The following CTDP1 variants were observed in gnomAD, a reference collection of about 807,000 sequenced individuals.
CTDP1 encodes CTD phosphatase 1, also known as RNA polymerase II subunit A C-terminal domain phosphatase.
In CTDP1, 47 loss-of-function variants were observed where a neutral mutation model predicts 91.8. That is an observed-to-expected ratio of 0.51 (90% CI 0.41 to 0.65). The LOEUF (loss-of-function observed/expected upper bound fraction) is 0.65, where lower values mean the gene tolerates loss of function less well. Ranked by LOEUF, CTDP1 falls within the 30% of genes least tolerant of loss-of-function variation. The pLI, the probability that CTDP1 is intolerant of heterozygous loss-of-function variation, is 0.00. For missense variants in CTDP1, 1,272 were observed against 1,373.7 expected (o/e 0.93, Z 1.17); for synonymous variants, 656 against 598.5 (o/e 1.10, Z -1.40).
chr18:79,723,064 G>C (rs938076593), intron 10 of CTDP1, among the ~76,000 whole-genome samples: 1 of 152,206 alleles, frequency 6.6e-6, no homozygotes, highest in South Asian at 2.1e-4. Context: ...TGGACCCCTA[G>C]TGCCTGCAGG....
intron 5 of CTDP1, 127 bp downstream of exon 5, chr18:79,705,044 G>A (rs1277321777): frequency 1.9e-5 from 27 of 1,448,114 alleles, no homozygotes; most frequent in Non-Finnish European, 2.4e-5. Context: ...CTTAGGGTTG[G>A]CCGTTGTGCA....
intron 1 of CTDP1, among the ~76,000 whole-genome samples, chr18:79,684,096 G>A (rs576780074): frequency 1.3e-5 from 2 of 152,340 alleles, no homozygotes; most frequent in Middle Eastern, 3.4e-3. Flanking sequence ...CTCAAGCGTC[G>A]CTTGTGTGCC....
At chr18:79,726,043 GT>G (rs2086437990) in intron 10 of CTDP1, among the ~76,000 whole-genome samples, 2 of 152,166 alleles carry the variant, frequency 1.3e-5, no homozygotes, top group East Asian at 3.9e-4. Flanking sequence ...GAGTTGGAAG[GT>G]TTATGTCTTT....
At chr18:79,680,623 T>A (rs1433697232) in intron 1 of CTDP1, among the ~76,000 whole-genome samples, 1 of 152,264 alleles carries the variant, frequency 6.6e-6, no homozygotes, top group Non-Finnish European at 1.5e-5. Flanking sequence ...TCAGGCAGGC[T>A]CCAGACCTGT....
chr18:79,746,514 T>C (rs1485770763), intron 12 of CTDP1, among the ~76,000 whole-genome samples: 1 of 152,258 alleles, frequency 6.6e-6, no homozygotes, highest in African/African-American at 2.4e-5. Context: ...AGTTTGCTTT[T>C]TCGTGTTTTC....
intron 6 of CTDP1, among the ~76,000 whole-genome samples, chr18:79,712,587 T>C (rs191979349): frequency 2.6e-5 from 4 of 152,330 alleles, no homozygotes; most frequent in African/African-American, 7.2e-5. Flanking sequence ...CCTAGCCTGG[T>C]CTGTTTACAG....
chr18:79,714,899 G>A lies in CTDP1; in HGVS notation c.1439G>A (p.Gly480Glu), dbSNP rs1224739930. The stretch of plus-strand genomic sequence containing the variant: ...TCCGCCTCTGATGGCGAAAGCGAGG[G>A]GAAAAGAGGCCGGCAGAAGCCGAAG... ...SSSASDGESE[G>E]KRGRQKPKAA... is the part of the protein sequence containing the mutation. Residue 480 changes from glycine (G) to glutamate (E), a missense_variant, in exon 8 of 13, where the codon GGG becomes GAG. Coordinates refer to ENST00000613122, the MANE Select transcript of CTDP1 (RefSeq NM_004715.5). 6.4e-7 allele frequency: 1 copy of A among 1,572,558 alleles called. No homozygotes were observed. The highest frequency in any genetic ancestry group is 1.9e-5 in the Admixed American group (1 of 52,572).
At chr18:79,712,883 A>G (rs2086111769) in intron 6 of CTDP1, 89 bp from the exon 7 acceptor site, 1 of 1,405,526 alleles carries the variant, frequency 7.1e-7, no homozygotes, top group Admixed American at 1.7e-5. Flanking sequence ...TTACATGTGG[A>G]TTAGAATCTT....
chr18:79,745,262 T>TCCCTCCCGTGCGCGTTCTGTCCCC (rs2086858618), intron 12 of CTDP1, among the ~76,000 whole-genome samples: 3 of 101,186 alleles, frequency 3.0e-5, no homozygotes, highest in Admixed American at 2.0e-4. Flanking sequence ...GTTCTGTCCC[T>TCCCTCCCGTGCGCGTTCTGTCCCC]GCGTCCCTCC....
At chr18:79,690,636 C>T (rs1158311605) in intron 1 of CTDP1, among the ~76,000 whole-genome samples, 3 of 152,188 alleles carry the variant, frequency 2.0e-5, no homozygotes, top group East Asian at 1.9e-4. Context: ...TAAGAAAAGA[C>T]ATTGCTCTCT....
At chr18:79,690,915 A>T (rs12605631) in intron 1 of CTDP1, among the ~76,000 whole-genome samples, 1 of 152,160 alleles carries the variant, frequency 6.6e-6, no homozygotes, top group Non-Finnish European at 1.5e-5. Flanking sequence ...GTGATTTTCT[A>T]CGAAGGCCTG....
intron 11 of CTDP1, among the ~76,000 whole-genome samples, chr18:79,733,714 CTCT>C (rs1484499382): frequency 6.6e-6 from 1 of 152,182 alleles, no homozygotes; most frequent in Non-Finnish European, 1.5e-5. Flanking sequence ...TGCTCTGTGT[CTCT>C]TCTTGTTTCC....
chr18:79,736,460 G>A lies in CTDP1; in HGVS notation c.2686G>A (p.Glu896Lys). 1 of 1,549,018 alleles carries A rather than the reference G, an allele frequency of 6.5e-7. No individual in the cohort carries two copies. Among genetic ancestry groups the A allele is most frequent in the Non-Finnish European group, 8.7e-7 (1 of 1,146,910 alleles). Residue 896 changes from glutamate to lysine, a missense_variant, in exon 12 of 13, where the codon GAG (glutamate) becomes AAG (lysine). By Grantham distance (56) the Glu-to-Lys change is moderately conservative. Around this residue, in one of 3 missense-constraint regions of CTDP1, gnomAD observed 881 missense variants for 911.6 expected, o/e 0.97. Coordinates refer to ENST00000613122, the MANE Select transcript of CTDP1 (RefSeq NM_004715.5). ...GCCCCGGAAGCCAGGGACCCGCAGG[G>A]AGCGGACGCTCGGGGCACCTGCGTC... ...PQPRKPGTRR[E>K]RTLGAPASSE...
intron 5 of CTDP1, among the ~76,000 whole-genome samples, chr18:79,706,766 T>TG (rs1568187973): frequency 6.6e-6 from 1 of 152,002 alleles, no homozygotes; most frequent in African/African-American, 2.4e-5. Flanking sequence ...GGTGAGGGAG[T>TG]GGTTCCTGAC....
chr18:79,704,894 G>A lies in CTDP1; in HGVS notation c.749G>A (p.Arg250Gln), dbSNP rs775837889. ...CTGCACGTCTTCACCTTCGGCAGCCGGCTGTACGCACACACCATCGCAGGT... is the reference window on the plus strand; with the variant it reads ...CTGCACGTCTTCACCTTCGGCAGCCAGCTGTACGCACACACCATCGCAGGT... Reference protein sequence around the residue: ...YELHVFTFGSRLYAHTIAGFL... With the variant: ...YELHVFTFGSQLYAHTIAGFL... The change falls in exon 5 of 13, where the codon CGG becomes CAG. Residue 250 changes from arginine (R) to glutamine (Q), a missense_variant. By Grantham distance (43) the Arg-to-Gln change is conservative. Coordinates refer to ENST00000613122, the MANE Select transcript of CTDP1 (RefSeq NM_004715.5). 1 of 1,613,482 alleles carries A rather than the reference G, an allele frequency of 6.2e-7. No individual in the cohort carries two copies. Among genetic ancestry groups the A allele is most frequent in the Non-Finnish European group, 8.5e-7 (1 of 1,180,040 alleles).
intron 10 of CTDP1, 94 bp downstream of exon 10, chr18:79,718,110 T>C (rs1371811234): frequency 3.8e-5 from 55 of 1,437,952 alleles, no homozygotes; most frequent in Non-Finnish European, 5.1e-5. Context: ...TTGCCCGAAG[T>C]GAGGGCGGGT....
intron 12 of CTDP1, among the ~76,000 whole-genome samples, chr18:79,737,310 C>T (rs2086689878): frequency 6.6e-6 from 1 of 152,206 alleles, no homozygotes; most frequent in Admixed American, 6.5e-5. Context: ...CTTACAGCTG[C>T]TTGGTTCTGA....
intron 12 of CTDP1, among the ~76,000 whole-genome samples, chr18:79,738,152 C>T (rs1229987622): frequency 1.3e-5 from 2 of 152,156 alleles, no homozygotes; most frequent in South Asian, 2.1e-4. Context: ...CCTGTCCATA[C>T]GTCCGCAGTC....
chr18:79,747,652 C>T (rs988631861), intron 12 of CTDP1, among the ~76,000 whole-genome samples: 1 of 152,248 alleles, frequency 6.6e-6, no homozygotes, highest in Non-Finnish European at 1.5e-5. Context: ...CGTTCCACTC[C>T]AGGGTGCACT....
Sources: gnomAD v4.1 joint callset for allele counts (sites outside exome capture counted in the v4.1 genomes callset) on GRCh38, gnomAD v4.1.1 for gene constraint, gnomAD v4.1.1 regional missense constraint, MANE v1.5 for transcripts, NCBI Gene and HGNC (gene_info 2026-07-23, HGNC 2026-07-21) for gene names.